SEM1: variants seen among roughly 807,000 people sequenced by gnomAD.
SEM1 encodes 26S proteasome complex subunit SEM1.
Under a neutral mutation model 12.7 loss-of-function variants are expected in SEM1, and 3 were observed. The ratio of observed to expected loss-of-function variants is 0.24; its 90% CI spans 0.11 to 0.61. SEM1 has a LOEUF of 0.61. Ranked by LOEUF, SEM1 falls within the 20% of genes least tolerant of loss-of-function variation. SEM1 has a pLI of 0.88. For synonymous variants in SEM1, 30 were observed against 27.8 expected (o/e 1.08, Z -0.25); for missense variants, 59 against 81.3 (o/e 0.73, Z 1.06).
chr7:96,496,116 G>A (rs1229780328), intron 1 of SEM1, among the ~76,000 whole-genome samples: 1 of 152,040 alleles, frequency 6.6e-6, no homozygotes, highest in Non-Finnish European at 1.5e-5. Flanking sequence ...GAGAAATATA[G>A]CAAAAGCATC....
intron 2 of SEM1, chr7:96,656,590 T>TTA (rs1809187137): frequency 1.5e-5 from 2 of 136,884 alleles, no homozygotes; most frequent in Admixed American, 1.5e-4. Context: ...TAGGACCTAG[T>TTA]AAAAAAAAAA....
intron 2 of SEM1, among the ~76,000 whole-genome samples, chr7:96,608,095 G>A (rs1050450790): frequency 5.9e-5 from 9 of 152,286 alleles, no homozygotes; most frequent in Non-Finnish European, 1.2e-4. Context: ...CCTTAGCATC[G>A]TCTGGAAGAG....
chr7:96,534,086 T>C (rs1218456757), intron 2 of SEM1, among the ~76,000 whole-genome samples: 2 of 152,102 alleles, frequency 1.3e-5, no homozygotes, highest in Non-Finnish European at 2.9e-5. Context: ...CTGGGTTTTC[T>C]TTTCATGGAA....
chr7:96,538,675 A>T (rs769337552), intron 2 of SEM1, among the ~76,000 whole-genome samples: 2 of 151,814 alleles, frequency 1.3e-5, no homozygotes, highest in African/African-American at 2.4e-5. Flanking sequence ...AACATCTTAC[A>T]ATATACTCCC....
intron 2 of SEM1, among the ~76,000 whole-genome samples, chr7:96,635,643 T>C (rs1454867489): frequency 6.6e-6 from 1 of 151,984 alleles, no homozygotes; most frequent in African/African-American, 2.4e-5. Flanking sequence ...ACAAACAAAA[T>C]AGAGAGCACT....
chr7:96,654,215 A>G (rs1809098783), intron 2 of SEM1, among the ~76,000 whole-genome samples: 1 of 152,232 alleles, frequency 6.6e-6, no homozygotes, highest in Non-Finnish European at 1.5e-5. Context: ...CAGAAGACAT[A>G]GGTCTCCACC....
chr7:96,632,521 G>A (rs1808293594), intron 2 of SEM1, among the ~76,000 whole-genome samples: 1 of 152,064 alleles, frequency 6.6e-6, no homozygotes, highest in Admixed American at 6.6e-5. Context: ...CATGGATACA[G>A]GGAGGGGAAC....
intron 2 of SEM1, among the ~76,000 whole-genome samples, chr7:96,524,907 G>T (rs1804400438): frequency 1.3e-5 from 2 of 152,108 alleles, no homozygotes; most frequent in South Asian, 4.1e-4. Context: ...TTAACTGAAT[G>T]AAATATCAGT....
At chr7:96,579,539 C>G (rs1806315945) in intron 2 of SEM1, among the ~76,000 whole-genome samples, 1 of 152,114 alleles carries the variant, frequency 6.6e-6, no homozygotes, top group Admixed American at 6.6e-5. Context: ...AAAGGAGAAG[C>G]ACATTGCAGC....
intron 2 of SEM1, among the ~76,000 whole-genome samples, chr7:96,629,553 T>TTTTC (rs372025075): frequency 5.3e-5 from 8 of 152,110 alleles, no homozygotes; most frequent in African/African-American, 1.9e-4. Context: ...TTATCTTGAT[T>TTTTC]TTTCTTTGAG....
At chr7:96,577,207 A>C (rs1448127744) in intron 2 of SEM1, among the ~76,000 whole-genome samples, 1 of 152,168 alleles carries the variant, frequency 6.6e-6, no homozygotes, top group Non-Finnish European at 1.5e-5. Flanking sequence ...GTATGGCCAC[A>C]TAGAGTAAAC....
intron 2 of SEM1, among the ~76,000 whole-genome samples, chr7:96,692,276 C>T (rs1397368179): frequency 2.0e-5 from 3 of 152,060 alleles, no homozygotes; most frequent in Non-Finnish European, 4.4e-5. Context: ...GAGAAAAGTG[C>T]TAATGAAAGA....
chr7:96,485,536 C>CTTTTTTTTTTTTT (rs61088450), intron 2 of SEM1, among the ~76,000 whole-genome samples: 1 of 76,704 alleles, frequency 1.3e-5, no homozygotes, highest in Non-Finnish European at 2.3e-5. Context: ...TCTCTACATT[C>CTTTTTTTTTTTTT]TTTTTTTTTT....
intron 2 of SEM1, among the ~76,000 whole-genome samples, chr7:96,597,560 A>G (rs1296351263): frequency 6.6e-6 from 1 of 152,070 alleles, no homozygotes; most frequent in Non-Finnish European, 1.5e-5. Context: ...TCACTATTAT[A>G]TATTCTTCCC....
intron 2 of SEM1, among the ~76,000 whole-genome samples, chr7:96,533,604 A>T (rs1320240638): frequency 6.6e-6 from 1 of 152,004 alleles, no homozygotes; most frequent in Non-Finnish European, 1.5e-5. Context: ...GCAGGCGCTG[A>T]ATTATTTGGA....
At chr7:96,494,438 A>AT (rs142601020) in intron 1 of SEM1, among the ~76,000 whole-genome samples, 23,568 of 150,768 alleles carry the variant, frequency 0.16, 1,926 homozygotes, top group Middle Eastern at 0.26. Context: ...TAATAAAGAG[A>AT]TTTTTTTTTT....
At chr7:96,676,629 A>G (rs1789455599) in intron 2 of SEM1, among the ~76,000 whole-genome samples, 1 of 152,336 alleles carries the variant, frequency 6.6e-6, no homozygotes, top group South Asian at 2.1e-4. Context: ...TTATTGAGAG[A>G]TATCACGGAA....
At chr7:96,541,453 T>G (rs202194558) in intron 2 of SEM1, among the ~76,000 whole-genome samples, 10 of 149,496 alleles carry the variant, frequency 6.7e-5, no homozygotes, top group Admixed American at 1.3e-4. Flanking sequence ...GTTTTTTTTT[T>G]TTTTTTGCTG....
At chr7:96,660,348 TAGTG>T (rs1416029111) in intron 2 of SEM1, among the ~76,000 whole-genome samples, 2 of 152,166 alleles carry the variant, frequency 1.3e-5, no homozygotes, top group African/African-American at 2.4e-5. Flanking sequence ...TCCTTTCTCA[TAGTG>T]AGAGATTTCA....
Sources: gnomAD v4.1 joint callset for allele counts (sites outside exome capture counted in the v4.1 genomes callset) on GRCh38, gnomAD v4.1.1 for gene constraint, MANE v1.5 for transcripts, NCBI Gene and HGNC (gene_info 2026-07-23, HGNC 2026-07-21) for gene names.